PRSS56: variants seen among roughly 807,000 people sequenced by gnomAD.
PRSS56 encodes serine protease 56.
PRSS56 carries 55 observed loss-of-function variants against 66.8 expected under a neutral mutation model. That is an observed-to-expected ratio of 0.82 (90% CI 0.66 to 1.03). The LOEUF (loss-of-function observed/expected upper bound fraction) is 1.03. Ranked by LOEUF, PRSS56 falls within the 50% of genes least tolerant of loss-of-function variation. The pLI is 0.00. For missense variants in PRSS56, 869 were observed against 837.2 expected, an observed-to-expected ratio of 1.04 and a Z score of -0.47; for synonymous variants, 409 against 387.9, an observed-to-expected ratio of 1.05 and a Z score of -0.64.
intron 1 of PRSS56, 49 bp downstream of exon 1, chr2:232,520,744 G>T: frequency 7.7e-7 from 1 of 1,301,298 alleles, no homozygotes; most frequent in Non-Finnish European, 1.1e-6. Context: ...GAATGTAGAG[G>T]AAGTGGGACC....
chr2:232,524,368 C>G lies in PRSS56; in HGVS notation c.1413C>G (p.Asn471Lys). The change falls in exon 11 of 13, where the codon AAC (asparagine) becomes AAG (lysine). Residue 471 changes from asparagine to lysine, a missense_variant and splice_region_variant. By Grantham distance (94) the Asn-to-Lys change is moderately conservative. Around this residue, in one of 3 missense-constraint regions of PRSS56, gnomAD observed 551 missense variants for 506.9 expected, o/e 1.09. Transcript: ENST00000617714. ...KRRPEPRGEA[N>K]GCPGLEPLRQ... ...GGCCGGAGCCGCGCGGAGAAGCCAA[C>G]GGTAATGACGCCCCCTGCCGACCTT... The G allele has an allele frequency of 1.3e-6, 2 of 1,534,886 alleles. No individual in the cohort carries two copies. The highest frequency in any genetic ancestry group is 2.4e-5 in the South Asian group (2 of 83,874).
At chr2:232,524,950 G>T (rs1691388050) in intron 12 of PRSS56, 106 bp downstream of exon 12, 5 of 1,002,198 alleles carry the variant, frequency 5.0e-6, no homozygotes, top group Admixed American at 4.5e-5. Context: ...CAGCAGCCTG[G>T]GGTCGCCTCT....
In PRSS56 at chr2:232,520,696, G is replaced by T. The variant is rs1287526718; in HGVS notation, c.97+1G>T. 7 of 1,526,500 alleles carry T rather than the reference G, an allele frequency of 4.6e-6. No individual in the cohort carries two copies. Among genetic ancestry groups the T allele is most frequent in the Non-Finnish European group, 4.4e-6 (5 of 1,138,926 alleles). The allele number at this position is 1,526,500 out of a possible 1,614,324, so 94.6% of individuals were successfully genotyped here. On this transcript the variant is annotated splice_donor_variant, in intron 1 of 12. Transcript: ENST00000617714. LOFTEE classifies it high-confidence loss of function. ...CGCCTGCCCCCCAGCGCCCTGCAAG[G>T]TAAGTCCAGGCTGGCCCGAGAGCCG...
chr2:232,523,724 T>C, intron 8 of PRSS56, 48 bp from the exon 9 acceptor site: 1 of 1,532,108 alleles, frequency 6.5e-7, no homozygotes, highest in Non-Finnish European at 8.7e-7. Flanking sequence ...GTGAGGGGGC[T>C]AGGGCCCCAA....
intron 4 of PRSS56, 132 bp from the exon 5 acceptor site, chr2:232,522,382 AC>A (rs1691300839): frequency 3.3e-6 from 3 of 898,232 alleles, no homozygotes; most frequent in Non-Finnish European, 3.2e-6. Context: ...CTGGGACGGG[AC>A]CCCTCCCCGG....
At position 232,522,236 on chromosome 2, in the gene PRSS56, G is replaced by T. The variant is rs916314819; in HGVS notation, c.446+76G>T. Reference sequence around the variant, plus strand: ...CCGCACCTGCCGGGTTGTCCGGCGGGCGACGCGCGGGAAAGGTGGTCTCTG... The same window carrying T: ...CCGCACCTGCCGGGTTGTCCGGCGGTCGACGCGCGGGAAAGGTGGTCTCTG... On this transcript the variant is annotated intron_variant, in intron 4 of 12. Transcript: ENST00000617714. The T allele has an allele frequency of 3.1e-6, 4 of 1,299,416 alleles. No individual in the cohort carries two copies. The Admixed American group carries it at 1.0e-4, about 33-fold the overall frequency. 80.5% of individuals were successfully genotyped at this position (1,299,416 alleles called of 1,614,324 possible).
chr2:232,524,780 T>C lies in PRSS56; in HGVS notation c.1457T>C (p.Leu486Pro), dbSNP rs768752831. ...CCCCTGCGACAGAAGTTGGCTGCCCTGCAGGGGGCCCATGCCTGGATCCTG... is the reference window on the plus strand; with the variant it reads ...CCCCTGCGACAGAAGTTGGCTGCCCCGCAGGGGGCCCATGCCTGGATCCTG... ...LEPLRQKLAA[L>P]QGAHAWILQV... The change falls in exon 12 of 13, where the codon CTG (leucine) becomes CCG (proline). Residue 486 changes from leucine to proline, a missense_variant. Around this residue, in one of 3 missense-constraint regions of PRSS56, gnomAD observed 551 missense variants for 506.9 expected, o/e 1.09. Coordinates refer to ENST00000617714, the MANE Select transcript of PRSS56 (RefSeq NM_001195129.2). 6.5e-7 allele frequency: 1 copy of C among 1,533,962 alleles called. No individual in the cohort carries two copies. The highest frequency in any genetic ancestry group is 1.2e-5 in the South Asian group (1 of 83,954).
intron 2 of PRSS56, 110 bp downstream of exon 2, chr2:232,521,538 T>G: frequency 1.0e-6 from 1 of 957,700 alleles, no homozygotes; most frequent in Non-Finnish European, 1.6e-6. Flanking sequence ...GGGCAGAGAC[T>G]GTGTTGGGCC....
rs559263641 is a variant in PRSS56, at chr2:232,525,568, C to T, written c.*62C>T. On this transcript the variant is annotated 3_prime_UTR_variant, in exon 13 of 13. Coordinates refer to ENST00000617714, the MANE Select transcript of PRSS56 (RefSeq NM_001195129.2). Reference sequence around the variant, plus strand: ...CTGCTCCCAGGGGCTGAGAGGGGTTCGGGAGCATAATGACAAACTGTCGCT... The same window carrying T: ...CTGCTCCCAGGGGCTGAGAGGGGTTTGGGAGCATAATGACAAACTGTCGCT... 24 of 1,073,448 alleles carry T rather than the reference C, an allele frequency of 2.2e-5. No homozygotes were observed. The Admixed American group carries it at 4.5e-4, about 20-fold the overall frequency. 66.5% of individuals were successfully genotyped at this position (1,073,448 alleles called of 1,614,324 possible).
intron 2 of PRSS56, 98 bp downstream of exon 2, chr2:232,521,526 G>C: frequency 9.8e-7 from 1 of 1,018,576 alleles, no homozygotes; most frequent in Non-Finnish European, 1.5e-6. Context: ...CTCTCCTCTT[G>C]GGGGCAGAGA....
chr2:232,525,293 T>C lies in PRSS56; in HGVS notation c.1599T>C (p.His533=), dbSNP rs1310121543. The stretch of plus-strand genomic sequence containing the variant: ...TGCGGGCAGGCTTGGGGGGCCGGCA[T>C]GTGGCCTTCAGCGGCCTGGTGGGCC... ...AWVRAGLGGR[H]VAFSGLVGLE... Residue 533 remains histidine, a synonymous_variant, in exon 13 of 13, where the codon CAT becomes CAC. Transcript: ENST00000617714. The C allele has an allele frequency of 2.0e-6, 3 of 1,523,566 alleles. No homozygotes were observed. The highest frequency in any genetic ancestry group is 1.2e-5 in the South Asian group (1 of 83,146). The allele number at this position is 1,523,566 out of a possible 1,614,324, so 94.4% of individuals were successfully genotyped here.
chr2:232,524,816 C>T lies in PRSS56; in HGVS notation c.1493C>T (p.Ser498Leu), dbSNP rs1026807382. 8.5e-6 allele frequency: 13 copies of T among 1,535,636 alleles called. No individual in the cohort carries two copies. In the South Asian group the frequency reaches 1.4e-4, roughly 17 times the overall value. Residue 498 changes from serine (S) to leucine (L), a missense_variant, in exon 12 of 13, where the codon TCG becomes TTG. Transcript: ENST00000617714. ...CATGCCTGGATCCTGCAGGTCCCCT[C>T]GGAGCACCTGGCCATGAACTTTCAT... ...GAHAWILQVP[S>L]EHLAMNFHEV...
rs1484646379 is a variant in PRSS56 at position 232,524,510 on chromosome 2, G to T, written c.1414+141G>T. On this transcript the variant is annotated intron_variant, in intron 11 of 12. Coordinates refer to ENST00000617714, the MANE Select transcript of PRSS56 (RefSeq NM_001195129.2). ...CTCGTTCTCCCCTCCCCGCCATAGA[G>T]CGTATGACTCTTTTGGAGTACTTGT... 8 of 843,538 alleles carry T rather than the reference G, an allele frequency of 9.5e-6. No homozygotes were observed. The Admixed American group carries it at 1.9e-4, about 20-fold the overall frequency. 52.3% of individuals were successfully genotyped at this position (843,538 alleles called of 1,614,324 possible).
At chr2:232,521,894 G>A (rs1255404186) in intron 3 of PRSS56, 28 bp downstream of exon 3, 6 of 1,532,874 alleles carry the variant, frequency 3.9e-6, no homozygotes, top group Non-Finnish European at 5.2e-6. Flanking sequence ...CGAGGGGGCA[G>A]GCCTGAGAGC....
chr2:232,523,274 C>T (rs188667834), intron 7 of PRSS56, 72 bp downstream of exon 7: 6 of 1,421,950 alleles, frequency 4.2e-6, no homozygotes, highest in East Asian at 5.2e-5. Flanking sequence ...TTTCCTTCCA[C>T]GTCTGTCTGT....
At position 232,520,528 on chromosome 2, in the gene PRSS56, G is replaced by T; in HGVS notation, c.-71G>T. ...AGGCAGCAGAAGGCGGGCACCAAAGGATAGGCACCCGGAAGGTGGACTCCG... is the reference window on the plus strand; with the variant it reads ...AGGCAGCAGAAGGCGGGCACCAAAGTATAGGCACCCGGAAGGTGGACTCCG... On this transcript the variant is annotated 5_prime_UTR_variant, in exon 1 of 13. Transcript: ENST00000617714. The T allele has an allele frequency of 7.7e-7, 1 of 1,294,494 alleles. No homozygotes were observed. The highest frequency in any genetic ancestry group is 1.1e-6 in the Non-Finnish European group (1 of 926,580). The allele number at this position is 1,294,494 out of a possible 1,614,324, so 80.2% of individuals were successfully genotyped here.
At chr2:232,521,204 C>T (rs1691267994) in intron 1 of PRSS56, 117 bp from the exon 2 acceptor site, 1 of 768,728 alleles carries the variant, frequency 1.3e-6, no homozygotes, top group Non-Finnish European at 2.1e-6. Flanking sequence ...TCACTTGCCT[C>T]CTCATTCTGT....
rs1320359654 is a variant in PRSS56, at chr2:232,523,969, G to C, written c.1186+24G>C. On this transcript the variant is annotated intron_variant, in intron 9 of 12. Transcript: ENST00000617714. Reference sequence around the variant, plus strand: ...CGGTCAGTTCTGTTCACCCGGACCCGGACGGGGGGCAGAGGGGAGGGGGCC... The same window carrying C: ...CGGTCAGTTCTGTTCACCCGGACCCCGACGGGGGGCAGAGGGGAGGGGGCC... 1.6e-5 allele frequency: 25 copies of C among 1,517,818 alleles called. No homozygotes were observed. The Admixed American group carries it at 4.7e-4, about 28-fold the overall frequency. 94.0% of individuals were successfully genotyped at this position (1,517,818 alleles called of 1,614,324 possible).
rs1413622765 is a variant in PRSS56, at chr2:232,524,324, A to G, written c.1369A>G (p.Thr457Ala). 8 of 1,535,726 alleles carry G rather than the reference A, an allele frequency of 5.2e-6. No homozygotes were observed. Among genetic ancestry groups the G allele is most frequent in the Non-Finnish European group, 7.0e-6 (8 of 1,146,842 alleles). ...CTCCCCAGGATCGCGGGCTGCAGGC[A>G]CTCGGTTCCCGAAGCGGAGGCCGGA... ...RLHSGSRAAG[T>A]RFPKRRPEPR... is the part of the protein sequence containing the mutation. Residue 457 changes from threonine (T) to alanine (A), a missense_variant, in exon 11 of 13, where the codon ACT (threonine) becomes GCT (alanine). Coordinates refer to ENST00000617714, the MANE Select transcript of PRSS56 (RefSeq NM_001195129.2).
Sources: allele counts gnomAD v4.1 joint callset, GRCh38; gene constraint gnomAD v4.1.1; regional missense constraint gnomAD v4.1.1; transcripts MANE v1.5; gene names NCBI Gene and HGNC (gene_info 2026-07-23, HGNC 2026-07-21).